The following PRPF6 variants were observed in gnomAD, a reference collection of about 807,000 sequenced individuals.
PRPF6 encodes the protein pre-mRNA-processing factor 6.
PRPF6 carries 42 observed loss-of-function variants against 118.3 expected under a neutral mutation model. The observed-to-expected ratio is 0.35, with a 90% CI of 0.28 to 0.46. PRPF6 has a LOEUF of 0.46. Among genes scored for constraint, PRPF6 ranks in the 20% least tolerant of loss-of-function variants. The pLI, the probability that PRPF6 is intolerant of heterozygous loss-of-function variation, is 1.00. For synonymous variants in PRPF6, 481 were observed against 485.1 expected (o/e 0.99, Z 0.11); for missense variants, 662 against 1,255.7 (o/e 0.53, Z 7.15).
At chr20:63,999,853 G>C in intron 8 of PRPF6, 94 bp downstream of exon 8, 1 of 1,475,552 alleles carries the variant, frequency 6.8e-7, no homozygotes, top group African/African-American at 1.4e-5. Flanking sequence ...TTGTCTTTTG[G>C]TATTGAAACT....
At chr20:64,021,888 CTGTG>C (rs71800785) in intron 12 of PRPF6, among the ~76,000 whole-genome samples, 11 of 110,948 alleles carry the variant, frequency 9.9e-5, no homozygotes, top group South Asian at 2.9e-4. Context: ...AGCCCCGTGT[CTGTG>C]TGTGTGTGTG....
intron 3 of PRPF6, among the ~76,000 whole-genome samples, chr20:63,985,821 A>G (rs543822576): frequency 6.6e-6 from 1 of 152,334 alleles, no homozygotes; most frequent in East Asian, 1.9e-4. Flanking sequence ...GAATTTTACC[A>G]AATATTTGAA....
chr20:63,998,009 A>G (rs1212395639), intron 6 of PRPF6, among the ~76,000 whole-genome samples: 1 of 152,110 alleles, frequency 6.6e-6, no homozygotes, highest in Non-Finnish European at 1.5e-5. Flanking sequence ...TCACCTTTTG[A>G]CTATTGTGAA....
chr20:64,025,991 A>C lies in PRPF6; in HGVS notation c.1961A>C (p.Glu654Ala). ...CTGGCAGCCGTGAAGCTGGAGTCCG[A>C]GAATGATGAGTACGAGCGGGCCCGG... is the stretch of plus-strand genomic sequence containing the variant. ...IWLAAVKLES[E>A]NDEYERARRL... is the part of the protein sequence containing the mutation. The change falls in exon 15 of 21, where the codon GAG becomes GCG. Residue 654 changes from glutamate to alanine, a missense_variant. By Grantham distance (107) the Glu-to-Ala change is moderately radical. Transcript: ENST00000266079. 6.2e-7 allele frequency: 1 copy of C among 1,613,284 alleles called. No individual in the cohort carries two copies. Among genetic ancestry groups the C allele is most frequent in the Non-Finnish European group, 8.5e-7 (1 of 1,180,028 alleles).
At chr20:63,983,322 A>G (rs577190225) in intron 2 of PRPF6, 107 bp downstream of exon 2, 7 of 1,411,502 alleles carry the variant, frequency 5.0e-6, no homozygotes, top group Admixed American at 1.7e-5. Flanking sequence ...TGGCTCATGC[A>G]TTTAAATTTT....
chr20:63,998,967 G>A, intron 6 of PRPF6, 78 bp from the exon 7 acceptor site: 1 of 958,516 alleles, frequency 1.0e-6, no homozygotes, highest in Non-Finnish European at 1.7e-6. Flanking sequence ...GTTGTGGGAG[G>A]GGCACCAGGG....
chr20:64,004,522 G>T (rs1351816718), intron 9 of PRPF6, among the ~76,000 whole-genome samples: 1 of 152,242 alleles, frequency 6.6e-6, no homozygotes, highest in Admixed American at 6.5e-5. Context: ...CAGCCAGGGA[G>T]CCTGGCAGTG....
rs907760680 is a variant in PRPF6 at position 64,026,011 on chromosome 20, G to A, written c.1981G>A (p.Ala661Thr). ...LESENDEYER[A>T]RRLLAKARSS... The stretch of plus-strand genomic sequence containing the variant: ...GTCCGAGAATGATGAGTACGAGCGG[G>A]CCCGGAGGCTGCTGGCCAAGGCGCG... Residue 661 changes from alanine (A) to threonine (T), a missense_variant, in exon 15 of 21, where the codon GCC (alanine) becomes ACC (threonine). Around this residue, in one of 10 missense-constraint regions of PRPF6, gnomAD observed 244 missense variants for 383.7 expected, o/e 0.64. Coordinates refer to ENST00000266079, the MANE Select transcript of PRPF6 (RefSeq NM_012469.4). The surrounding 1 kb of genome is among the most constrained non-coding windows in gnomAD (Gnocchi z 4.4). 1.2e-6 allele frequency: 2 copies of A among 1,611,832 alleles called. No individual in the cohort carries two copies. Among genetic ancestry groups the A allele is most frequent in the African/African-American group, 2.7e-5 (2 of 75,070 alleles).
chr20:64,032,729 G>T, intron 20 of PRPF6, 112 bp from the exon 21 acceptor site: 3 of 1,393,236 alleles, frequency 2.2e-6, no homozygotes, highest in Non-Finnish European at 2.9e-6. Flanking sequence ...TGGCCCGCCA[G>T]TTGGGGTTGG....
rs199623005 is a variant in PRPF6, at chr20:64,026,934, G to T, written c.2029-48G>T. ...TGAGGATGAGTGTACCATGAAGCAC[G>T]TACCCTGGAGCTGATGCCCTGCGTG... is the stretch of plus-strand genomic sequence containing the variant. On this transcript the variant is annotated intron_variant, in intron 15 of 20. Coordinates refer to ENST00000266079, the MANE Select transcript of PRPF6 (RefSeq NM_012469.4). This position sits in a 1 kb window ranked among gnomAD's most constrained non-coding sequence, Gnocchi z 4.4. 328 of 1,607,530 alleles carry T rather than the reference G, an allele frequency of 2.0e-4. No homozygotes were observed. Among genetic ancestry groups the T allele is most frequent in the Admixed American group, 3.7e-4 (22 of 59,968 alleles).
rs1485857231 is a variant in PRPF6, at chr20:64,026,069, G to C, written c.2028+11G>C. 6.2e-6 allele frequency: 10 copies of C among 1,601,652 alleles called. No individual in the cohort carries two copies. The highest frequency in any genetic ancestry group is 8.5e-6 in the Non-Finnish European group (10 of 1,179,542). On this transcript the variant is annotated intron_variant, in intron 15 of 20. Coordinates refer to ENST00000266079, the MANE Select transcript of PRPF6 (RefSeq NM_012469.4). The surrounding 1 kb of genome is among the most constrained non-coding windows in gnomAD (Gnocchi z 4.4). ...GCCCCCACCGCCCGGGTACGCAGTG[G>C]CAGGCAGGGCTGGGCCGTCTGGGGT...
chr20:64,016,576 CT>C (rs2059239405), intron 11 of PRPF6, 146 bp from the exon 12 acceptor site: 2 of 1,006,452 alleles, frequency 2.0e-6, no homozygotes, highest in Non-Finnish European at 1.5e-6. Flanking sequence ...GTGCAGTAGA[CT>C]CACTTCCTCA....
rs1467316053 is a variant in PRPF6, at chr20:63,999,083, C to T, written c.810C>T (p.Pro270=). The part of the protein sequence containing the change: ...DSVSGQTVVD[P]KGYLTDLNSM... The stretch of plus-strand genomic sequence containing the variant: ...TGAGTGGACAGACCGTCGTTGACCC[C>T]AAAGGCTACCTGACGGATTTAAATT... The change falls in exon 7 of 21, where the codon CCC becomes CCT. Residue 270 remains proline, a synonymous_variant. Transcript: ENST00000266079. The T allele has an allele frequency of 3.1e-6, 5 of 1,613,886 alleles. No homozygotes were observed. Among genetic ancestry groups the T allele is most frequent in the Admixed American group, 1.7e-5 (1 of 59,990 alleles).
chr20:64,006,348 G>A (rs1424049806), intron 9 of PRPF6, among the ~76,000 whole-genome samples: 5 of 139,584 alleles, frequency 3.6e-5, no homozygotes, highest in Non-Finnish European at 7.6e-5. Flanking sequence ...ACTGAGTCTT[G>A]CTCTGTTGCC....
intron 19 of PRPF6, among the ~76,000 whole-genome samples, chr20:64,030,922 G>C (rs1601535455): frequency 1.3e-5 from 2 of 152,226 alleles, no homozygotes; most frequent in East Asian, 3.8e-4. Flanking sequence ...CTGGCTCCAG[G>C]GGGAGGTGAC....
At chr20:63,989,889 A>T (rs1016932650) in intron 3 of PRPF6, among the ~76,000 whole-genome samples, 9 of 152,016 alleles carry the variant, frequency 5.9e-5, no homozygotes, top group African/African-American at 1.9e-4. Flanking sequence ...ATAATTTTAG[A>T]ATAGTAAAAT....
chr20:64,000,035 T>C (rs1352595031), intron 8 of PRPF6, among the ~76,000 whole-genome samples: 1 of 150,658 alleles, frequency 6.6e-6, no homozygotes, highest in African/African-American at 2.4e-5. Flanking sequence ...CACCGCAAGC[T>C]CCACCTGCCA....
intron 1 of PRPF6, among the ~76,000 whole-genome samples, chr20:63,981,912 G>A (rs2059070827): frequency 6.6e-6 from 1 of 152,092 alleles, no homozygotes; most frequent in African/African-American, 2.4e-5. Context: ...AGTGCTTAAT[G>A]GAGAGTAGCA....
chr20:64,016,813 C>T lies in PRPF6; in HGVS notation c.1615C>T (p.Arg539Trp), dbSNP rs1390815439. 6.2e-6 allele frequency: 10 copies of T among 1,614,044 alleles called. No homozygotes were observed. Among genetic ancestry groups the T allele is most frequent in the Non-Finnish European group, 8.5e-6 (10 of 1,180,038 alleles). ...VIGIGIEEED[R>W]KHTWMEDADS... ...TGGGATTGGGATTGAGGAGGAAGAT[C>T]GGAAGCATACCTGGATGGAGGATGC... Residue 539 changes from arginine to tryptophan, a missense_variant, in exon 12 of 21, where the codon CGG (arginine) becomes TGG (tryptophan). This residue lies in a region of PRPF6 where 189 missense variants were observed against 323.5 expected (regional missense o/e 0.58). Coordinates refer to ENST00000266079, the MANE Select transcript of PRPF6 (RefSeq NM_012469.4).
Sources: allele counts gnomAD v4.1 joint callset (sites outside exome capture counted in the v4.1 genomes callset), GRCh38; gene constraint gnomAD v4.1.1; regional missense constraint gnomAD v4.1.1; non-coding constraint Gnocchi (gnomAD v3.1); transcripts MANE v1.5; gene names NCBI Gene and HGNC (gene_info 2026-07-23, HGNC 2026-07-21).